APBA2: variants seen among roughly 807,000 people sequenced by gnomAD.
The protein encoded by APBA2 is amyloid-beta A4 precursor protein-binding family A member 2.
Under a neutral mutation model 75.0 loss-of-function variants are expected in APBA2, and 30 were observed. The observed-to-expected ratio is 0.40, with a 90% CI of 0.30 to 0.54. The LOEUF is 0.54. Among genes scored for constraint, APBA2 ranks in the 20% least tolerant of loss-of-function variants. The pLI, the probability that APBA2 is intolerant of heterozygous loss-of-function variation, is 0.49. For missense variants in APBA2, 801 were observed against 1,016.1 expected (o/e 0.79, Z 2.88); for synonymous variants, 444 against 409.6 (o/e 1.08, Z -1.01).
chr15:29,029,906 G>A (rs896997623), intron 3 of APBA2, among the ~76,000 whole-genome samples: 16 of 152,270 alleles, frequency 1.1e-4, no homozygotes, highest in Admixed American at 9.2e-4. Context: ...CAGAGGTGCC[G>A]GACATGCAGA....
At chr15:29,050,216 A>G (rs533157928) in intron 3 of APBA2, among the ~76,000 whole-genome samples, 9 of 152,342 alleles carry the variant, frequency 5.9e-5, no homozygotes, top group Admixed American at 2.0e-4. Flanking sequence ...AAGCTAGAAG[A>G]TAGTGGAACA....
intron 1 of APBA2, among the ~76,000 whole-genome samples, chr15:28,898,139 C>T (rs928932053): frequency 1.5e-4 from 23 of 152,182 alleles, no homozygotes; most frequent in African/African-American, 5.5e-4. Context: ...GCCCTGCCAA[C>T]AGCTTGATTT....
rs2041742132 is a variant in APBA2 at position 29,054,003 on chromosome 15, G to A, written c.119G>A (p.Gly40Asp). The change falls in exon 4 of 15, where the codon GGC (glycine) becomes GAC (aspartate). Residue 40 changes from glycine (G) to aspartate (D), a missense_variant. Gly to Asp is a moderately conservative substitution (Grantham distance 94, BLOSUM62 -1). Coordinates refer to ENST00000683413, the MANE Select transcript of APBA2 (RefSeq NM_001353788.2). The surrounding 1 kb of genome is among the most constrained non-coding windows in gnomAD (Gnocchi z 6.1). ...ESEDMELPLE[G>D]YVPEGLELAA... ...GAGGACATGGAGCTGCCCTTGGAGG[G>A]CTATGTGCCCGAGGGCCTGGAGCTG... 6.2e-7 allele frequency: 1 copy of A among 1,613,812 alleles called. No individual in the cohort carries two copies. The highest frequency in any genetic ancestry group is 1.3e-5 in the African/African-American group (1 of 74,898).
intron 2 of APBA2, among the ~76,000 whole-genome samples, chr15:28,960,581 A>G (rs1408119922): frequency 1.3e-5 from 2 of 151,988 alleles, no homozygotes; most frequent in African/African-American, 2.4e-5. Context: ...CGGGGGGCAG[A>G]TGGACTCTCA....
At chr15:29,085,038 A>G (rs1413909218) in intron 6 of APBA2, among the ~76,000 whole-genome samples, 1 of 152,140 alleles carries the variant, frequency 6.6e-6, no homozygotes, top group African/African-American at 2.4e-5. Context: ...ATTAATGATC[A>G]TTGTCTAGAT....
intron 10 of APBA2, among the ~76,000 whole-genome samples, chr15:29,103,451 G>A (rs990508825): frequency 6.6e-6 from 1 of 152,196 alleles, no homozygotes; most frequent in Non-Finnish European, 1.5e-5. Flanking sequence ...AGTTGGGGCC[G>A]GCAGGGCGAC....
chr15:29,094,691 G>A (rs1464539351), intron 8 of APBA2, among the ~76,000 whole-genome samples: 1 of 152,232 alleles, frequency 6.6e-6, no homozygotes, highest in Non-Finnish European at 1.5e-5. Flanking sequence ...GATAGTTAAA[G>A]ATTCCTTAAG....
chr15:28,925,465 G>C (rs2034209110), intron 2 of APBA2, among the ~76,000 whole-genome samples: 1 of 152,056 alleles, frequency 6.6e-6, no homozygotes, highest in Admixed American at 6.6e-5. Context: ...TAAATGTTTG[G>C]TAGAATTCAC....
chr15:29,069,172 G>T (rs2042509345), intron 4 of APBA2, among the ~76,000 whole-genome samples: 1 of 152,196 alleles, frequency 6.6e-6, no homozygotes, highest in South Asian at 2.1e-4. Flanking sequence ...CATCCCTGTT[G>T]TAGTGTGTGT....
intron 3 of APBA2, among the ~76,000 whole-genome samples, chr15:29,034,486 A>T (rs2040645702): frequency 6.6e-6 from 1 of 152,216 alleles, no homozygotes; most frequent in Admixed American, 6.5e-5. Flanking sequence ...GCCATGACTT[A>T]GTGGTTAATA....
chr15:28,949,040 A>G (rs550594841), intron 2 of APBA2, among the ~76,000 whole-genome samples: 1 of 151,680 alleles, frequency 6.6e-6, no homozygotes, highest in Non-Finnish European at 1.5e-5. Context: ...CTTCGCTTTT[A>G]GTTGTTTTGT....
chr15:28,999,458 C>A (rs1487371371), intron 3 of APBA2, among the ~76,000 whole-genome samples: 1 of 152,162 alleles, frequency 6.6e-6, no homozygotes, highest in Non-Finnish European at 1.5e-5. Context: ...GTCAAATAGA[C>A]AAATGAACTC....
rs1184785573 is a variant in APBA2, at chr15:29,114,128, G to T, written c.2178+112G>T. 2.0e-6 allele frequency: 3 copies of T among 1,488,242 alleles called. No individual in the cohort carries two copies. The African/African-American group carries it at 4.1e-5, about 21-fold the overall frequency. The allele number at this position is 1,488,242 out of a possible 1,614,324, so 92.2% of individuals were successfully genotyped here. ...CACAGGGCATCTGAAGGTCAGCCAG[G>T]CTGTGTCTCCCATCGGGGCTGCTGT... is the stretch of plus-strand genomic sequence containing the variant. On this transcript the variant is annotated intron_variant, in intron 14 of 14. Transcript: ENST00000683413.
At chr15:28,999,925 C>T (rs1359942236) in intron 3 of APBA2, among the ~76,000 whole-genome samples, 1 of 152,086 alleles carries the variant, frequency 6.6e-6, no homozygotes, top group Non-Finnish European at 1.5e-5. Flanking sequence ...CAGTCCAGGC[C>T]GAAAGGCCTG....
At chr15:29,023,623 T>C (rs948310602) in intron 3 of APBA2, among the ~76,000 whole-genome samples, 6 of 151,706 alleles carry the variant, frequency 4.0e-5, no homozygotes, top group Middle Eastern at 3.4e-3. Context: ...GCTTGACTAA[T>C]TTTTGTATTT....
At chr15:28,979,661 C>T (rs765947295) in intron 2 of APBA2, among the ~76,000 whole-genome samples, 3 of 152,200 alleles carry the variant, frequency 2.0e-5, no homozygotes, top group Non-Finnish European at 2.9e-5. Context: ...CCCCCGGCCC[C>T]GTGTGAGCAG....
At chr15:28,998,734 A>G (rs2038679946) in intron 3 of APBA2, among the ~76,000 whole-genome samples, 1 of 152,248 alleles carries the variant, frequency 6.6e-6, no homozygotes, top group Middle Eastern at 3.2e-3. Flanking sequence ...GAGGTGGCAG[A>G]CGTGTGTTAT....
chr15:29,107,058 C>T (rs945724293), intron 12 of APBA2, among the ~76,000 whole-genome samples: 2 of 152,196 alleles, frequency 1.3e-5, no homozygotes, highest in African/African-American at 2.4e-5. Flanking sequence ...GAGGGGTTGT[C>T]TGAGCCCTGT....
At position 28,991,545 on chromosome 15, in the gene APBA2, C is replaced by T. The variant is rs2152784680; in HGVS notation, c.-94-4208C>T. On this transcript the variant is annotated intron_variant, in intron 2 of 14. Transcript: ENST00000683413. This position sits in a 1 kb window ranked among gnomAD's most constrained non-coding sequence, Gnocchi z 4.7. ...GGCAGCCCAGCCAGCCCACGAAGGC[C>T]ATGTGAGTGTGAACCCCCATTACAA... 6.6e-6 allele frequency among the ~76,000 whole-genome samples: 1 copy of T among 152,342 alleles called. No homozygotes were observed. Among genetic ancestry groups the T allele is most frequent in the Admixed American group, 6.5e-5 (1 of 15,304 alleles).
Sources: allele counts gnomAD v4.1 joint callset (sites outside exome capture counted in the v4.1 genomes callset), GRCh38; gene constraint gnomAD v4.1.1; non-coding constraint Gnocchi (gnomAD v3.1); transcripts MANE v1.5; gene names NCBI Gene and HGNC (gene_info 2026-07-23, HGNC 2026-07-21).